Variants in SRPRA observed in about 807,000 individuals in gnomAD.
SRPRA encodes the protein signal recognition particle receptor subunit alpha.
Under a neutral mutation model 61.1 loss-of-function variants are expected in SRPRA, and 30 were observed. The ratio of observed to expected loss-of-function variants is 0.49; its 90% CI spans 0.37 to 0.67. The LOEUF (loss-of-function observed/expected upper bound fraction) is 0.67. Ranked by LOEUF, SRPRA falls within the 30% of genes least tolerant of loss-of-function variation. The pLI, the probability that SRPRA is intolerant of heterozygous loss-of-function variation, is 0.00. For synonymous variants in SRPRA, 324 were observed against 299.7 expected (o/e 1.08, Z -0.84); for missense variants, 759 against 828.4 (o/e 0.92, Z 1.03).
chr11:126,250,490 T>A, the SRPRA span: 3 of 1,592,226 alleles, frequency 1.9e-6, no homozygotes, highest in South Asian at 2.2e-5. This position sits in a 1 kb window ranked among gnomAD's most constrained non-coding sequence, Gnocchi z 5.1. Context: ...TTTTCTTTTT[T>A]CAAATCCCTC....
the SRPRA span, among the ~76,000 whole-genome samples, chr11:126,238,773 C>G: frequency 6.6e-6 from 1 of 152,088 alleles, no homozygotes; most frequent in Admixed American, 6.6e-5. Flanking sequence ...TCCCAAAATT[C>G]TACCAAGGGA....
intron 1 of SRPRA, 54 bp downstream of exon 1, chr11:126,268,634 A>G: frequency 1.4e-6 from 2 of 1,476,676 alleles, no homozygotes; most frequent in Non-Finnish European, 1.9e-6. Context: ...GAAGGGGACC[A>G]TGGATCGGGT....
the SRPRA span, among the ~76,000 whole-genome samples, chr11:126,246,668 C>T: frequency 1.3e-5 from 2 of 152,004 alleles, no homozygotes; most frequent in African/African-American, 4.8e-5. Context: ...TGTTGAACTC[C>T]TGGGCTCAAG....
In SRPRA at chr11:126,265,132, A is replaced by G. The variant is rs773233317; in HGVS notation, c.1352T>C (p.Ile451Thr). Residue 451 changes from isoleucine to threonine, a missense_variant, in exon 11 of 14, where the codon ATT (isoleucine) becomes ACT (threonine). This residue lies in a region of SRPRA where 284 missense variants were observed against 365.9 expected (regional missense o/e 0.78). Coordinates refer to ENST00000332118, the MANE Select transcript of SRPRA (RefSeq NM_003139.4). This position sits in a 1 kb window ranked among gnomAD's most constrained non-coding sequence, Gnocchi z 6.3. ...WLLENGFSVLIAACDTFRAGA... is the reference protein window; with the variant it reads ...WLLENGFSVLTAACDTFRAGA... ...AGCACGAAATGTATCACAGGCAGCA[A>G]TGAGGACACTGAAGCCATTCTCTAA... 6.2e-6 allele frequency: 10 copies of G among 1,614,106 alleles called. No individual in the cohort carries two copies. The Admixed American group carries it at 1.3e-4, about 22-fold the overall frequency.
the SRPRA span, among the ~76,000 whole-genome samples, chr11:126,236,162 A>G: frequency 0.11 from 16,414 of 151,950 alleles, 1,156 homozygotes; most frequent in Non-Finnish European, 0.15. Flanking sequence ...TTTCCTTTAC[A>G]TCTCTCCTGT....
chr11:126,265,546 CTT>C lies in SRPRA; in HGVS notation c.1139-108_1139-107del. On this transcript the variant is annotated intron_variant, in intron 9 of 13. Coordinates refer to ENST00000332118, the MANE Select transcript of SRPRA (RefSeq NM_003139.4). This position sits in a 1 kb window ranked among gnomAD's most constrained non-coding sequence, Gnocchi z 6.3. ...GGGGACTAAAACAGTAAATTAGACT[CTT>C]GTCCCAGAAATCCAGAACAGACGCA... The C allele has an allele frequency of 5.9e-6, 8 of 1,348,996 alleles. No individual in the cohort carries two copies. The highest frequency in any genetic ancestry group is 8.1e-6 in the Non-Finnish European group (8 of 988,100). The allele number at this position is 1,348,996 out of a possible 1,614,324, so 83.6% of individuals were successfully genotyped here.
At chr11:126,238,562 G>A in the SRPRA span, among the ~76,000 whole-genome samples, 5 of 152,096 alleles carry the variant, frequency 3.3e-5, no homozygotes, top group African/African-American at 1.2e-4. Context: ...AGAGAGTTGG[G>A]GGAAATCTTG....
In SRPRA at chr11:126,265,099, A is replaced by G. The variant is rs778409990; in HGVS notation, c.1385T>C (p.Val462Ala). ...CCGGGTGTGTGTACGCAGCTGCTCC[A>G]CGGCCCCAGCACGAAATGTATCACA... ...AACDTFRAGA[V>A]EQLRTHTRRL... The change falls in exon 11 of 14, where the codon GTG becomes GCG. Residue 462 changes from valine to alanine, a missense_variant. Transcript: ENST00000332118. This position sits in a 1 kb window ranked among gnomAD's most constrained non-coding sequence, Gnocchi z 6.3. 1 of 1,614,196 alleles carries G rather than the reference A, an allele frequency of 6.2e-7. No homozygotes were observed. Among genetic ancestry groups the G allele is most frequent in the Non-Finnish European group, 8.5e-7 (1 of 1,180,046 alleles).
the SRPRA span, chr11:126,250,531 T>C: frequency 5.0e-6 from 8 of 1,614,062 alleles, no homozygotes; most frequent in Non-Finnish European, 6.8e-6. This position sits in a 1 kb window ranked among gnomAD's most constrained non-coding sequence, Gnocchi z 5.1. Context: ...CGATCCACAT[T>C]TTTCAAGGAC....
downstream of SRPRA, among the ~76,000 whole-genome samples, chr11:126,258,872 A>G (rs981327599): frequency 1.5e-4 from 23 of 152,270 alleles, no homozygotes; most frequent in Non-Finnish European, 4.4e-5. Flanking sequence ...GTTGCATTAC[A>G]TAACAAAGAA....
rs559929806 is a variant in SRPRA, at chr11:126,263,764, C to T, written c.*152G>A. 22 of 1,076,786 alleles carry T rather than the reference C, an allele frequency of 2.0e-5. No individual in the cohort carries two copies. Among genetic ancestry groups the T allele is most frequent in the South Asian group, 6.2e-5 (4 of 64,900 alleles). 66.7% of individuals were successfully genotyped at this position (1,076,786 alleles called of 1,614,324 possible). On this transcript the variant is annotated 3_prime_UTR_variant, in exon 14 of 14. Transcript: ENST00000332118. ...CCTTGCAGATGGCGGCTGTGCTGAA[C>T]GGGGAGTGGGGTTGGAAGGAGCCAC...
rs756235726 is a variant in SRPRA, at chr11:126,267,228, T to TC, written c.472dup (p.Glu158GlyfsTer10). ...ATTCTTTGCTTTTTCCTTGGGCTTT[T>TC]CCCCCCGTGTCTCAATCATGGACCT... On this transcript the variant is annotated frameshift_variant, in exon 4 of 14. Coordinates refer to ENST00000332118, the MANE Select transcript of SRPRA (RefSeq NM_003139.4). LOFTEE classifies it high-confidence loss of function. The surrounding 1 kb of genome is among the most constrained non-coding windows in gnomAD (Gnocchi z 4.2). The TC allele has an allele frequency of 1.9e-6, 3 of 1,613,990 alleles. No homozygotes were observed. The highest frequency in any genetic ancestry group is 1.7e-5 in the Admixed American group (1 of 59,994).
At chr11:126,239,144 T>G in the SRPRA span, among the ~76,000 whole-genome samples, 9 of 151,942 alleles carry the variant, frequency 5.9e-5, no homozygotes, top group South Asian at 2.1e-4. Context: ...TTTTTCGTTC[T>G]TTCTTTGTTT....
downstream of SRPRA, chr11:126,261,260 C>T (rs1950691489): frequency 1.7e-6 from 1 of 600,296 alleles, no homozygotes; most frequent in Non-Finnish European, 3.0e-6. Context: ...AAGACTACTC[C>T]AGTTTATCCT....
downstream of SRPRA, among the ~76,000 whole-genome samples, chr11:126,259,255 C>A (rs631023): frequency 0.64 from 97,447 of 151,982 alleles, 32,790 homozygotes; most frequent in East Asian, 0.83. Flanking sequence ...AACACTGAAC[C>A]TTTGCTATGT....
At chr11:126,259,758 T>C (rs140876523), downstream of SRPRA, among the ~76,000 whole-genome samples, 34 of 144,180 alleles carry the variant, frequency 2.4e-4, no homozygotes, top group African/African-American at 8.7e-4. Context: ...TTTCTCTCTG[T>C]CACCCAGGCT....
At position 126,264,680 on chromosome 11, in the gene SRPRA, C is replaced by T; in HGVS notation, c.1526-141G>A. 2 of 1,026,468 alleles carry T rather than the reference C, an allele frequency of 1.9e-6. No individual in the cohort carries two copies. The highest frequency in any genetic ancestry group is 2.8e-6 in the Non-Finnish European group (2 of 722,104). The allele number at this position is 1,026,468 out of a possible 1,614,324, so 63.6% of individuals were successfully genotyped here. A position where few individuals can be genotyped will look rare whatever the true frequency, so the allele number is the denominator to read the frequency against. ...TGGTTCCAAGGTAATGTGAGAAAAA[C>T]TTGATTATATGCTTGGCCATCACCA... On this transcript the variant is annotated intron_variant, in intron 11 of 13. Transcript: ENST00000332118. This position sits in a 1 kb window ranked among gnomAD's most constrained non-coding sequence, Gnocchi z 5.0.
Position 126,265,999 on chromosome 11 carries a change from C to G in SRPRA, c.1015G>C (p.Glu339Gln). 1 of 1,614,192 alleles carries G rather than the reference C, an allele frequency of 6.2e-7. No individual in the cohort carries two copies. The highest frequency in any genetic ancestry group is 1.3e-5 in the African/African-American group (1 of 75,058). Residue 339 changes from glutamate (E) to glutamine (Q), a missense_variant, in exon 8 of 14, where the codon GAA becomes CAA. By Grantham distance (29) the Glu-to-Gln change is conservative. Around this residue, in one of 2 missense-constraint regions of SRPRA, gnomAD observed 475 missense variants for 462.5 expected, o/e 1.03. Coordinates refer to ENST00000332118, the MANE Select transcript of SRPRA (RefSeq NM_003139.4). The surrounding 1 kb of genome is among the most constrained non-coding windows in gnomAD (Gnocchi z 6.3). The part of the protein sequence containing the change: ...GSKSLSREDM[E>Q]SVLDKMRDHL... ...TCACGCATCTTGTCCAGCACAGATT[C>G]CATGTCTTCACGACTCAAGCTCTTT... is the stretch of plus-strand genomic sequence containing the variant.
intron 6 of SRPRA, 71 bp downstream of exon 6, chr11:126,266,405 T>C: frequency 6.3e-7 from 1 of 1,593,836 alleles, no homozygotes; most frequent in South Asian, 1.1e-5. Context: ...CAAATCCCAG[T>C]ATCACGTTCC....
Sources: allele counts gnomAD v4.1 joint callset (sites outside exome capture counted in the v4.1 genomes callset), GRCh38; gene constraint gnomAD v4.1.1; regional missense constraint gnomAD v4.1.1; non-coding constraint Gnocchi (gnomAD v3.1); transcripts MANE v1.5; gene names NCBI Gene and HGNC (gene_info 2026-07-23, HGNC 2026-07-21).